PREX2: variants seen among roughly 807,000 people sequenced by gnomAD.
PREX2 encodes the protein phosphatidylinositol 3,4,5-trisphosphate-dependent Rac exchanger 2 protein.
A neutral mutation model predicts 203.2 loss-of-function variants in PREX2; 107 were observed. The ratio of observed to expected loss-of-function variants is 0.53; its 90% CI spans 0.45 to 0.62. PREX2 has a LOEUF of 0.62. PREX2 is among the 20% of genes least tolerant of loss of function. The pLI is 0.00. For synonymous variants in PREX2, 672 were observed against 663.6 expected, an observed-to-expected ratio of 1.01 and a Z score of -0.19; for missense variants, 1,777 against 1,955.9, an observed-to-expected ratio of 0.91 and a Z score of 1.72.
intron 33 of PREX2, among the ~76,000 whole-genome samples, chr8:68,142,659 T>C (rs1811251199): frequency 6.6e-6 from 1 of 152,150 alleles, no homozygotes; most frequent in South Asian, 2.1e-4. Context: ...CCATGATTCC[T>C]GGATCGTATG....
intron 15 of PREX2, among the ~76,000 whole-genome samples, chr8:68,079,988 A>AC (rs11372131): frequency 0.53 from 80,997 of 151,858 alleles, 21,597 homozygotes; most frequent in South Asian, 0.56. Context: ...TTGTTCACAC[A>AC]AGAAGGCAAC....
Position 68,019,669 on chromosome 8 carries a change from T to C in PREX2, c.334T>C (p.Phe112Leu), listed in dbSNP as rs2129610224. 2 of 1,597,844 alleles carry C rather than the reference T, an allele frequency of 1.3e-6. No individual in the cohort carries two copies. The highest frequency in any genetic ancestry group is 1.7e-6 in the Non-Finnish European group (2 of 1,176,148). ...AGAAGTGGGAACCTGCTTTCTTCAC[T>C]TTGTAGGATAAATTTCTTTTTATTT... ...QQEVGTCFLH[F>L]KDKFRIYDEY... is the part of the protein sequence containing the mutation. Residue 112 changes from phenylalanine (F) to leucine (L), a missense_variant and splice_region_variant, in exon 3 of 40, where the codon TTT (phenylalanine) becomes CTT (leucine). Physicochemically the swap from Phe to Leu is conservative, Grantham distance 22 (BLOSUM62 0). Transcript: ENST00000288368.
intron 8 of PREX2, among the ~76,000 whole-genome samples, chr8:68,051,700 G>A (rs570799222): frequency 1.3e-5 from 2 of 152,156 alleles, no homozygotes; most frequent in East Asian, 3.9e-4. Flanking sequence ...TGTAGGATGG[G>A]AACATGAATT....
At chr8:68,170,230 T>C (rs771473811) in intron 35 of PREX2, among the ~76,000 whole-genome samples, 9 of 152,316 alleles carry the variant, frequency 5.9e-5, no homozygotes, top group South Asian at 2.1e-4. Flanking sequence ...GCCCCAGTCA[T>C]GTAGGGCTGT....
chr8:67,957,344 A>G (rs1224892673), intron 1 of PREX2, among the ~76,000 whole-genome samples: 5 of 152,198 alleles, frequency 3.3e-5, no homozygotes, highest in South Asian at 4.2e-4. Context: ...AAACAATTGC[A>G]TCCTCACTCT....
chr8:68,056,006 T>G (rs1182782071), intron 10 of PREX2, 32 bp downstream of exon 10: 1 of 1,575,856 alleles, frequency 6.3e-7, no homozygotes, highest in Admixed American at 1.9e-5. Context: ...CATGACTTTC[T>G]TTTACATTCT....
chr8:68,027,341 T>A lies in PREX2; in HGVS notation c.543+18T>A. The A allele has an allele frequency of 2.1e-6, 3 of 1,399,802 alleles. No individual in the cohort carries two copies. The highest frequency in any genetic ancestry group is 3.0e-6 in the Non-Finnish European group (3 of 986,706). 86.7% of individuals were successfully genotyped at this position (1,399,802 alleles called of 1,614,324 possible). On this transcript the variant is annotated intron_variant, in intron 5 of 39. Transcript: ENST00000288368. ...TTTTGAAGGTATTTTATGTGCTACC[T>A]CATTGTAGCCATTTTCTTGTATCTA...
chr8:68,050,592 A>T (rs1477917416), intron 8 of PREX2, among the ~76,000 whole-genome samples: 1 of 152,238 alleles, frequency 6.6e-6, no homozygotes, highest in East Asian at 1.9e-4. Flanking sequence ...GCAGGAACAC[A>T]GACCCAAACC....
At chr8:68,046,028 A>G (rs763125509) in intron 8 of PREX2, among the ~76,000 whole-genome samples, 2 of 152,068 alleles carry the variant, frequency 1.3e-5, no homozygotes, top group Non-Finnish European at 2.9e-5. Context: ...GTCAGATAGT[A>G]AAAGAAGAAC....
At chr8:68,047,296 G>A (rs1808380952) in intron 8 of PREX2, among the ~76,000 whole-genome samples, 1 of 151,632 alleles carries the variant, frequency 6.6e-6, no homozygotes. Context: ...AAGCTCTGAT[G>A]CAGATGGATC....
intron 37 of PREX2, among the ~76,000 whole-genome samples, chr8:68,207,652 T>G (rs1812657055): frequency 6.6e-6 from 1 of 152,164 alleles, no homozygotes; most frequent in Admixed American, 6.5e-5. Flanking sequence ...GTATTAGGCA[T>G]GAATTATTTC....
At chr8:68,008,400 T>A (rs973775379) in intron 1 of PREX2, among the ~76,000 whole-genome samples, 4 of 150,486 alleles carry the variant, frequency 2.7e-5, no homozygotes, top group Non-Finnish European at 4.4e-5. Flanking sequence ...AGGGGTGATA[T>A]GTTGAATGAA....
intron 4 of PREX2, among the ~76,000 whole-genome samples, chr8:68,023,051 G>C (rs1807615503): frequency 6.6e-6 from 1 of 152,108 alleles, no homozygotes; most frequent in Non-Finnish European, 1.5e-5. Flanking sequence ...ATTGGGTCTG[G>C]TTCCAGTTTG....
At chr8:67,996,624 G>T (rs1806774238) in intron 1 of PREX2, among the ~76,000 whole-genome samples, 1 of 151,980 alleles carries the variant, frequency 6.6e-6, no homozygotes, top group Non-Finnish European at 1.5e-5. Context: ...TTTTGATGGG[G>T]ACAAAAGTCT....
At chr8:68,156,826 C>G (rs1811551815) in intron 34 of PREX2, among the ~76,000 whole-genome samples, 1 of 152,152 alleles carries the variant, frequency 6.6e-6, no homozygotes, top group Non-Finnish European at 1.5e-5. Flanking sequence ...TCCTTCTCTT[C>G]CTAGTACAGA....
intron 26 of PREX2, among the ~76,000 whole-genome samples, chr8:68,116,722 C>A (rs952198795): frequency 4.6e-5 from 7 of 152,154 alleles, no homozygotes; most frequent in Admixed American, 3.9e-4. Flanking sequence ...CCCTAATGAC[C>A]TCATTTTAAC....
At chr8:68,035,659 T>A (rs1317641611) in intron 6 of PREX2, among the ~76,000 whole-genome samples, 2 of 152,168 alleles carry the variant, frequency 1.3e-5, no homozygotes, top group African/African-American at 2.4e-5. Context: ...TTTAGACAAA[T>A]CTGCACATTT....
intron 1 of PREX2, among the ~76,000 whole-genome samples, chr8:67,953,509 A>G (rs1184797814): frequency 6.6e-6 from 1 of 152,112 alleles, no homozygotes; most frequent in Non-Finnish European, 1.5e-5. Flanking sequence ...CAGGAGCTTT[A>G]GTTTTTGTGA....
intron 36 of PREX2, 49 bp from the exon 37 acceptor site, chr8:68,192,286 A>G (rs6472389): frequency 0.9 from 1,310,533 of 1,458,360 alleles, 589,510 homozygotes; most frequent in East Asian, 1. Flanking sequence ...TATCTAAAAG[A>G]ATTTTACTAA....
Sources: allele counts gnomAD v4.1 joint callset (sites outside exome capture counted in the v4.1 genomes callset), GRCh38; gene constraint gnomAD v4.1.1; transcripts MANE v1.5; gene names NCBI Gene and HGNC (gene_info 2026-07-23, HGNC 2026-07-21).